DCAF6: variants seen among roughly 807,000 people sequenced by gnomAD.
The protein encoded by DCAF6 is DDB1- and CUL4-associated factor 6.
Under a neutral mutation model 125.1 loss-of-function variants are expected in DCAF6, and 54 were observed. That is an observed-to-expected ratio of 0.43 (90% CI 0.35 to 0.54). The LOEUF (loss-of-function observed/expected upper bound fraction) is 0.54, where lower values mean the gene tolerates loss of function less well. Among genes scored for constraint, DCAF6 ranks in the 20% least tolerant of loss-of-function variants. The pLI is 0.01. For synonymous variants in DCAF6, 371 were observed against 390.4 expected, an observed-to-expected ratio of 0.95 and a Z score of 0.58; for missense variants, 934 against 1,161.7, an observed-to-expected ratio of 0.80 and a Z score of 2.85.
At position 168,004,802 on chromosome 1, in the gene DCAF6, A is replaced by G; in HGVS notation, c.1378+9A>G. The G allele has an allele frequency of 6.2e-7, 1 of 1,610,844 alleles. No homozygotes were observed. Among genetic ancestry groups the G allele is most frequent in the East Asian group, 2.2e-5 (1 of 44,834 alleles). Reference sequence around the variant, plus strand: ...CACACATCATCAGTCTGGTGAGGATAAGTATGCTGTGGTTCATCTAATGAT... The same window carrying G: ...CACACATCATCAGTCTGGTGAGGATGAGTATGCTGTGGTTCATCTAATGAT... On this transcript the variant is annotated intron_variant, in intron 10 of 21. Coordinates refer to ENST00000367840, the MANE Select transcript of DCAF6 (RefSeq NM_001198956.2).
At chr1:168,000,546 AC>A (rs1329609161) in intron 7 of DCAF6, among the ~76,000 whole-genome samples, 1 of 152,178 alleles carries the variant, frequency 6.6e-6, no homozygotes, top group Non-Finnish European at 1.5e-5. Context: ...TCCTACAGAA[AC>A]TTGTACATAT....
At chr1:167,885,975 A>G in the DCAF6 span, among the ~76,000 whole-genome samples, 6 of 152,134 alleles carry the variant, frequency 3.9e-5, no homozygotes, top group African/African-American at 1.2e-4. Flanking sequence ...TAGAGCTGTT[A>G]CAGCTTCTTA....
chr1:167,925,438 T>C, the DCAF6 span, among the ~76,000 whole-genome samples: 1 of 79,032 alleles, frequency 1.3e-5, no homozygotes, highest in East Asian at 3.0e-4. Flanking sequence ...GATATACATA[T>C]ACACATATAT....
the DCAF6 span, among the ~76,000 whole-genome samples, chr1:167,905,352 A>G: frequency 6.6e-6 from 1 of 152,228 alleles, no homozygotes; most frequent in Non-Finnish European, 1.5e-5. Context: ...GCCAATTTCT[A>G]TACAGAGGAA....
At chr1:168,039,352 G>A (rs1311187304) in intron 13 of DCAF6, among the ~76,000 whole-genome samples, 2 of 151,300 alleles carry the variant, frequency 1.3e-5, no homozygotes, top group Admixed American at 1.3e-4. Flanking sequence ...TTGATTATTA[G>A]TAAGGTTGAA....
the DCAF6 span, chr1:167,880,048 C>T: frequency 5.9e-5 from 84 of 1,417,280 alleles, no homozygotes; most frequent in Non-Finnish European, 7.0e-5. Flanking sequence ...TGCTTCCTCC[C>T]GCAAAGCCCA....
intron 11 of DCAF6, chr1:168,019,583 T>G (rs1571966293): frequency 2.2e-6 from 1 of 455,780 alleles, no homozygotes; most frequent in Non-Finnish European, 4.4e-6. Flanking sequence ...CTGCTCAGAG[T>G]GACAGCACCC....
At chr1:167,924,071 A>C in the DCAF6 span, among the ~76,000 whole-genome samples, 1 of 152,210 alleles carries the variant, frequency 6.6e-6, no homozygotes, top group Non-Finnish European at 1.5e-5. Flanking sequence ...AAATGCTAAT[A>C]TTTATATTCG....
At chr1:167,975,457 T>C (rs1291845329) in intron 4 of DCAF6, among the ~76,000 whole-genome samples, 1 of 152,238 alleles carries the variant, frequency 6.6e-6, no homozygotes, top group East Asian at 1.9e-4. Context: ...AGGATATTAA[T>C]GAGCTTAAGA....
the DCAF6 span, among the ~76,000 whole-genome samples, chr1:167,906,794 T>C: frequency 7.6e-3 from 1,154 of 151,740 alleles, 13 homozygotes; most frequent in African/African-American, 0.027. Flanking sequence ...ATCTCTAAAA[T>C]AATAATAATG....
At chr1:167,998,629 A>C (rs1280112282) in intron 7 of DCAF6, 1 of 154,584 alleles carries the variant, frequency 6.5e-6, no homozygotes, top group East Asian at 1.9e-4. Flanking sequence ...TCATTTCAGC[A>C]GTGTTCACAG....
Position 168,050,891 on chromosome 1 carries a change from G to C in DCAF6, c.2259-1G>C. 1 of 1,360,268 alleles carries C rather than the reference G, an allele frequency of 7.4e-7. No homozygotes were observed. The highest frequency in any genetic ancestry group is 2.6e-5 in the East Asian group (1 of 38,034). The allele number at this position is 1,360,268 out of a possible 1,614,324, so 84.3% of individuals were successfully genotyped here. On this transcript the variant is annotated splice_acceptor_variant, in intron 16 of 21. Coordinates refer to ENST00000367840, the MANE Select transcript of DCAF6 (RefSeq NM_001198956.2). LOFTEE classifies it high-confidence loss of function. ...TTCAGTTATTGTGTTCCCTTCACTA[G>C]ATTTAATATCAGAGGAACAACAATA...
chr1:168,068,095 A>G (rs1230934680), intron 20 of DCAF6, among the ~76,000 whole-genome samples: 1 of 152,212 alleles, frequency 6.6e-6, no homozygotes, highest in African/African-American at 2.4e-5. Flanking sequence ...TTAAATTCTT[A>G]AATGTTTTAA....
At chr1:168,068,072 A>G (rs1357004625) in intron 20 of DCAF6, among the ~76,000 whole-genome samples, 1 of 152,264 alleles carries the variant, frequency 6.6e-6, no homozygotes, top group Non-Finnish European at 1.5e-5. Flanking sequence ...GCAAATTGCA[A>G]GTAAAAGCTA....
At chr1:167,922,731 CAT>C in the DCAF6 span, among the ~76,000 whole-genome samples, 6 of 152,134 alleles carry the variant, frequency 3.9e-5, no homozygotes, top group African/African-American at 1.4e-4. Context: ...AAGATTGAGT[CAT>C]AGCCAATTCC....
Position 168,063,723 on chromosome 1 carries a change from A to G in DCAF6, c.2403A>G (p.Lys801=). 1 of 1,605,924 alleles carries G rather than the reference A, an allele frequency of 6.2e-7. No homozygotes were observed. Among genetic ancestry groups the G allele is most frequent in the Non-Finnish European group, 8.5e-7 (1 of 1,177,280 alleles). The change falls in exon 18 of 22, where the codon AAA becomes AAG. Residue 801 remains lysine (K), a synonymous_variant. Transcript: ENST00000367840. ...DTLNIRRPLV[K]MVYKGHRNSR... ...TGAACATTAGAAGGCCGCTAGTAAA[A>G]ATGGTTTATAAAGGCCATCGCAACT...
intron 21 of DCAF6, among the ~76,000 whole-genome samples, chr1:168,072,068 C>T (rs1423991957): frequency 2.0e-5 from 3 of 151,774 alleles, no homozygotes; most frequent in Non-Finnish European, 2.9e-5. Flanking sequence ...GAGGCCGAGG[C>T]GGGTAGATCA....
the DCAF6 span, among the ~76,000 whole-genome samples, chr1:167,913,181 C>T: frequency 6.6e-6 from 1 of 152,076 alleles, no homozygotes; most frequent in African/African-American, 2.4e-5. Flanking sequence ...ATGAGGATAC[C>T]TGAGTCAAAA....
At chr1:168,046,770 A>C (rs541630005) in intron 16 of DCAF6, among the ~76,000 whole-genome samples, 1 of 152,286 alleles carries the variant, frequency 6.6e-6, no homozygotes, top group African/African-American at 2.4e-5. Context: ...TCAAACTGAT[A>C]ATTTCCAAAA....
Sources: allele counts gnomAD v4.1 joint callset (sites outside exome capture counted in the v4.1 genomes callset), GRCh38; gene constraint gnomAD v4.1.1; transcripts MANE v1.5; gene names NCBI Gene and HGNC (gene_info 2026-07-23, HGNC 2026-07-21).